PNKD: variants seen among roughly 807,000 people sequenced by gnomAD.
PNKD encodes PNKD metallo-beta-lactamase domain containing.
A neutral mutation model predicts 45.3 loss-of-function variants in PNKD; 36 were observed. The ratio of observed to expected loss-of-function variants is 0.80; its 90% CI spans 0.61 to 1.05. The LOEUF is 1.05. PNKD is among the 50% of genes least tolerant of loss of function. PNKD has a pLI of 0.00. For missense variants in PNKD, 511 were observed against 506.6 expected (o/e 1.01, Z -0.08); for synonymous variants, 197 against 210.1 (o/e 0.94, Z 0.54).
intron 2 of PNKD, among the ~76,000 whole-genome samples, chr2:218,293,164 C>T (rs1243429443): frequency 2.0e-5 from 3 of 152,216 alleles, no homozygotes; most frequent in African/African-American, 4.8e-5. Flanking sequence ...CAGGTGCTTT[C>T]CTCAAGTCAG....
Position 218,323,278 on chromosome 2 carries a change from A to G in PNKD, c.237-16505A>G, listed in dbSNP as rs767442015. 25 of 1,537,606 alleles carry G rather than the reference A, an allele frequency of 1.6e-5. No individual in the cohort carries two copies. In the East Asian group the frequency reaches 5.0e-4, roughly 31 times the overall value. ...GTGCCTGCCCCCAGCATGGCTTGGC[A>G]GGGCTGGCCCGCGGCGTGGCAGTGG... is the stretch of plus-strand genomic sequence containing the variant. On this transcript the variant is annotated intron_variant, in intron 2 of 9. Transcript: ENST00000273077.
chr2:218,338,554 C>T (rs1033659237), intron 2 of PNKD, among the ~76,000 whole-genome samples: 7 of 151,472 alleles, frequency 4.6e-5, no homozygotes, highest in African/African-American at 1.7e-4. Flanking sequence ...ATTTGTTGAG[C>T]CCAGGAGTTC....
intron 2 of PNKD, among the ~76,000 whole-genome samples, chr2:218,307,425 A>G (rs1336656408): frequency 6.6e-6 from 1 of 152,210 alleles, no homozygotes; most frequent in African/African-American, 2.4e-5. Flanking sequence ...GATGGGAGAC[A>G]GTGACAGATC....
intron 2 of PNKD, among the ~76,000 whole-genome samples, chr2:218,302,829 A>G (rs4674285): frequency 0.98 from 148,446 of 152,204 alleles, 72,462 homozygotes; most frequent in East Asian, 1. Context: ...CGCAGAATGT[A>G]TGTGTGTGTT....
In PNKD at chr2:218,340,165, G is replaced by A. The variant is rs1209691082; in HGVS notation, c.465+24G>A. On this transcript the variant is annotated intron_variant, in intron 4 of 9. Transcript: ENST00000273077. The surrounding 1 kb of genome is among the most constrained non-coding windows in gnomAD (Gnocchi z 4.2). Reference sequence around the variant, plus strand: ...AGGTGAGGGGAGGGCAGGGAGCAGGGGGTGCCTGGAGTCACCTTGGGGACT... The same window carrying A: ...AGGTGAGGGGAGGGCAGGGAGCAGGAGGTGCCTGGAGTCACCTTGGGGACT... 3 of 1,485,976 alleles carry A rather than the reference G, an allele frequency of 2.0e-6. No individual in the cohort carries two copies. Among genetic ancestry groups the A allele is most frequent in the South Asian group, 2.3e-5 (2 of 88,628 alleles). 92.0% of individuals were successfully genotyped at this position (1,485,976 alleles called of 1,614,324 possible).
intron 2 of PNKD, chr2:218,278,532 G>C (rs1164979160): frequency 6.2e-7 from 1 of 1,614,190 alleles, no homozygotes; most frequent in African/African-American, 1.3e-5. Flanking sequence ...CCTGGCAGCA[G>C]GCAAGGATCA....
chr2:218,344,550 C>T lies in PNKD; in HGVS notation c.964C>T (p.Arg322Trp), dbSNP rs751050132. 152 of 1,587,794 alleles carry T rather than the reference C, an allele frequency of 9.6e-5. No individual in the cohort carries two copies. Among genetic ancestry groups the T allele is most frequent in the African/African-American group, 4.0e-4 (30 of 74,396 alleles). ...GAAGATGCAGTGGGTGCAGCGGCAG[C>T]GGCTGGAGCGCAAGGGCACGGTGAG... is the stretch of plus-strand genomic sequence containing the variant. Reference protein sequence around the residue: ...ERKMQWVQRQRLERKGTCPST... With the variant: ...ERKMQWVQRQWLERKGTCPST... Residue 322 changes from arginine to tryptophan, a missense_variant, in exon 9 of 10, where the codon CGG becomes TGG. Transcript: ENST00000273077.
chr2:218,313,075 A>G (rs1693664407), intron 2 of PNKD, among the ~76,000 whole-genome samples: 1 of 151,506 alleles, frequency 6.6e-6, no homozygotes, highest in East Asian at 1.9e-4. Context: ...ATGTTCACAT[A>G]TTATTTAACT....
intron 2 of PNKD, chr2:218,323,146 G>T (rs577219783): frequency 5.3e-6 from 7 of 1,328,002 alleles, no homozygotes; most frequent in Admixed American, 4.1e-5. Flanking sequence ...GTCAATGGGC[G>T]GGGCGGGGCC....
intron 2 of PNKD, among the ~76,000 whole-genome samples, chr2:218,281,451 A>T (rs1291893556): frequency 6.6e-6 from 1 of 152,120 alleles, no homozygotes; most frequent in East Asian, 1.9e-4. Flanking sequence ...CTCATTTCTG[A>T]CCAAACACAA....
At chr2:218,290,752 T>C (rs562555434) in intron 2 of PNKD, among the ~76,000 whole-genome samples, 29 of 152,364 alleles carry the variant, frequency 1.9e-4, no homozygotes, top group African/African-American at 5.5e-4. Context: ...TGTCGACTTC[T>C]GGATATCATT....
intron 2 of PNKD, among the ~76,000 whole-genome samples, chr2:218,294,826 T>G (rs184979226): frequency 1.8e-4 from 28 of 152,362 alleles, no homozygotes; most frequent in African/African-American, 6.5e-4. Context: ...GGGTTCCGCC[T>G]TCATGACCTA....
chr2:218,324,992 A>ATT (rs1559525909), intron 2 of PNKD, among the ~76,000 whole-genome samples: 1 of 111,348 alleles, frequency 9.0e-6, no homozygotes, highest in African/African-American at 3.8e-5. Context: ...TATCTAAATA[A>ATT]TTTTCTTTTT....
chr2:218,344,087 A>G (rs1694759212), intron 8 of PNKD, among the ~76,000 whole-genome samples: 2 of 152,224 alleles, frequency 1.3e-5, no homozygotes, highest in Admixed American at 1.3e-4. Flanking sequence ...GGAACACAGC[A>G]GGTACATCTG....
chr2:218,279,676 G>C (rs1691664681), intron 2 of PNKD: 1 of 488,260 alleles, frequency 2.0e-6, no homozygotes, highest in African/African-American at 1.9e-5. Context: ...CTGTGAGATG[G>C]AGAGGGTGGG....
At chr2:218,270,781 C>G in intron 1 of PNKD, 179 bp downstream of exon 1, 2 of 409,788 alleles carry the variant, frequency 4.9e-6, no homozygotes, top group Non-Finnish European at 8.8e-6. Context: ...CCCCCGCCTT[C>G]GGGTTGCTCG....
At chr2:218,275,976 C>G (rs1410168447) in intron 2 of PNKD, 1 of 1,581,330 alleles carries the variant, frequency 6.3e-7, no homozygotes, top group Non-Finnish European at 8.6e-7. Context: ...TCCCTAGATT[C>G]CTCCCCTCAT....
At chr2:218,323,137 T>C in intron 2 of PNKD, 1 of 1,305,352 alleles carries the variant, frequency 7.7e-7, no homozygotes, top group South Asian at 2.0e-5. Flanking sequence ...AAAGGAGAGG[T>C]CAATGGGCGG....
intron 2 of PNKD, among the ~76,000 whole-genome samples, chr2:218,307,502 G>T (rs904940999): frequency 6.6e-6 from 1 of 152,110 alleles, no homozygotes; most frequent in South Asian, 2.1e-4. Flanking sequence ...TCACAATAGG[G>T]TGCGAGCTCC....
Sources: gnomAD v4.1 joint callset for allele counts (sites outside exome capture counted in the v4.1 genomes callset) on GRCh38, gnomAD v4.1.1 for gene constraint, Gnocchi (gnomAD v3.1) non-coding constraint, MANE v1.5 for transcripts, NCBI Gene and HGNC (gene_info 2026-07-23, HGNC 2026-07-21) for gene names.